Variants in PRKCA observed in about 807,000 individuals in gnomAD.
The protein encoded by PRKCA is protein kinase C alpha.
In PRKCA, 27 loss-of-function variants were observed where a neutral mutation model predicts 87.0. The observed-to-expected ratio is 0.31, with a 90% confidence interval of 0.23 to 0.43. PRKCA has a LOEUF of 0.43. Ranked by LOEUF, PRKCA falls within the 20% of genes least tolerant of loss-of-function variation. The probability of loss-of-function intolerance (pLI) is 1.00; values close to 1 mark genes in which losing one functional copy is unlikely to be tolerated. For synonymous variants in PRKCA, 329 were observed against 311.1 expected, an observed-to-expected ratio of 1.06 and a Z score of -0.61; for missense variants, 518 against 852.3, an observed-to-expected ratio of 0.61 and a Z score of 4.88.
At chr17:66,727,129 C>A (rs2144181934) in intron 8 of PRKCA, among the ~76,000 whole-genome samples, 1 of 152,228 alleles carries the variant, frequency 6.6e-6, no homozygotes, top group African/African-American at 2.4e-5. Context: ...GCTGGTGGGA[C>A]CTCGACCTCA....
At chr17:66,319,431 C>T (rs1036111708) in intron 2 of PRKCA, among the ~76,000 whole-genome samples, 8 of 152,082 alleles carry the variant, frequency 5.3e-5, no homozygotes, top group African/African-American at 1.7e-4. Context: ...AGTTTTATCT[C>T]GAAATTATGA....
intron 3 of PRKCA, among the ~76,000 whole-genome samples, chr17:66,526,444 C>T (rs560767095): frequency 1.3e-5 from 2 of 152,256 alleles, no homozygotes; most frequent in Admixed American, 1.3e-4. Flanking sequence ...CTCAGCTAGG[C>T]ATCTCGGCCT....
At chr17:66,373,077 G>GGTTCTCAA (rs1909210036) in intron 2 of PRKCA, among the ~76,000 whole-genome samples, 1 of 152,016 alleles carries the variant, frequency 6.6e-6, no homozygotes, top group Admixed American at 6.6e-5. Flanking sequence ...GGGGAACAAA[G>GGTTCTCAA]GGAGAGAGAT....
At chr17:66,367,135 A>G (rs764523) in intron 2 of PRKCA, among the ~76,000 whole-genome samples, 1,738 of 152,352 alleles carry the variant, frequency 0.011, 30 homozygotes, top group African/African-American at 0.04. Context: ...TTTGCAAACA[A>G]TTTAGGAGTT....
intron 3 of PRKCA, among the ~76,000 whole-genome samples, chr17:66,505,765 G>T (rs996488541): frequency 3.3e-5 from 5 of 152,184 alleles, no homozygotes; most frequent in South Asian, 4.1e-4. Context: ...CATCAAGTCT[G>T]GGAACAGATC....
chr17:66,649,391 T>C (rs1362382605), intron 5 of PRKCA, among the ~76,000 whole-genome samples: 3 of 152,258 alleles, frequency 2.0e-5, no homozygotes, highest in African/African-American at 7.2e-5. Context: ...ATATTTATTG[T>C]TCATAGGACT....
intron 2 of PRKCA, among the ~76,000 whole-genome samples, chr17:66,335,588 C>CAA (rs562281905): frequency 3.8e-5 from 5 of 129,950 alleles, no homozygotes; most frequent in African/African-American, 5.7e-5. Context: ...CCCCACTGCC[C>CAA]AAAAAAAAAA....
chr17:66,596,343 G>T (rs1387512101), intron 3 of PRKCA, among the ~76,000 whole-genome samples: 1 of 152,154 alleles, frequency 6.6e-6, no homozygotes, highest in Non-Finnish European at 1.5e-5. Flanking sequence ...ATTTAGTCAT[G>T]TAAGGTTCAA....
intron 14 of PRKCA, among the ~76,000 whole-genome samples, chr17:66,776,611 G>A (rs1420560384): frequency 6.6e-6 from 1 of 152,068 alleles, no homozygotes; most frequent in Non-Finnish European, 1.5e-5. Context: ...CCTGGCCTAA[G>A]ACAAGTTTTA....
chr17:66,339,431 ATAATGTTTAATTTTTT>A (rs1906904698), intron 2 of PRKCA, among the ~76,000 whole-genome samples: 1 of 152,112 alleles, frequency 6.6e-6, no homozygotes, highest in South Asian at 2.1e-4. Flanking sequence ...CTCAACACAA[ATAATGTTTAATTTTTT>A]TAACCACTCT....
chr17:66,578,611 A>G (rs1454868005), intron 3 of PRKCA, among the ~76,000 whole-genome samples: 1 of 152,196 alleles, frequency 6.6e-6, no homozygotes, highest in Admixed American at 6.5e-5. Flanking sequence ...ATGTATAAAT[A>G]AGAAAGTAAA....
intron 3 of PRKCA, among the ~76,000 whole-genome samples, chr17:66,602,524 G>A (rs979137879): frequency 3.3e-5 from 5 of 152,076 alleles, no homozygotes; most frequent in South Asian, 4.2e-4. Flanking sequence ...GAAATCACCC[G>A]TCTTCTGCGT....
At chr17:66,643,076 G>A (rs1008510118) in intron 4 of PRKCA, among the ~76,000 whole-genome samples, 1 of 152,156 alleles carries the variant, frequency 6.6e-6, no homozygotes, top group African/African-American at 2.4e-5. Flanking sequence ...GAAACCCTAG[G>A]ATTCCAAAGA....
In PRKCA at chr17:66,743,512, C is replaced by G. The variant is rs143931188; in HGVS notation, c.1524+752C>G. ...GGTTCTAAGCAAAATGGTTCCAGGACTTGTATCTTGACAGCAGCGGCTGTG... is the reference window on the plus strand; with the variant it reads ...GGTTCTAAGCAAAATGGTTCCAGGAGTTGTATCTTGACAGCAGCGGCTGTG... On this transcript the variant is annotated intron_variant, in intron 13 of 16. Coordinates refer to ENST00000413366, the MANE Select transcript of PRKCA (RefSeq NM_002737.3). 4.7e-4 allele frequency among the ~76,000 whole-genome samples: 72 copies of G among 152,330 alleles called. No individual in the cohort carries two copies. In the East Asian group the frequency reaches 0.012, roughly 26 times the overall value.
chr17:66,501,936 G>T (rs4791057), intron 3 of PRKCA, among the ~76,000 whole-genome samples: 1 of 152,162 alleles, frequency 6.6e-6, no homozygotes, highest in Non-Finnish European at 1.5e-5. Flanking sequence ...GGCTGCTCTG[G>T]CCATGATGGG....
At chr17:66,570,386 G>A (rs1027436454) in intron 3 of PRKCA, among the ~76,000 whole-genome samples, 2 of 152,160 alleles carry the variant, frequency 1.3e-5, no homozygotes, top group African/African-American at 2.4e-5. Flanking sequence ...CTATTAAAAC[G>A]TGTTTGTTTT....
intron 10 of PRKCA, among the ~76,000 whole-genome samples, chr17:66,736,312 C>G (rs183239022): frequency 6.6e-6 from 1 of 150,460 alleles, no homozygotes; most frequent in African/African-American, 2.4e-5. Context: ...GAGTCACTCT[C>G]TCTTCCCCAG....
chr17:66,675,435 C>T (rs1003159730), intron 5 of PRKCA, among the ~76,000 whole-genome samples: 1 of 152,188 alleles, frequency 6.6e-6, no homozygotes, highest in African/African-American at 2.4e-5. Context: ...TTCCCATCCC[C>T]AGCCGAAGTA....
At chr17:66,687,363 C>G in intron 6 of PRKCA, 96 bp downstream of exon 6, 1 of 1,374,422 alleles carries the variant, frequency 7.3e-7, no homozygotes, top group Admixed American at 2.2e-5. Context: ...TTATAAACGT[C>G]TTTAAACATG....
Sources: gnomAD v4.1 joint callset for allele counts (sites outside exome capture counted in the v4.1 genomes callset) on GRCh38, gnomAD v4.1.1 for gene constraint, MANE v1.5 for transcripts, NCBI Gene and HGNC (gene_info 2026-07-23, HGNC 2026-07-21) for gene names.